The following CIT variants were observed in gnomAD, a reference collection of about 807,000 sequenced individuals.
CIT encodes the protein citron Rho-interacting kinase.
A neutral mutation model predicts 272.7 loss-of-function variants in CIT; 79 were observed. The ratio of observed to expected loss-of-function variants is 0.29; its 90% CI spans 0.24 to 0.35. The LOEUF is 0.35. Ranked by LOEUF, CIT falls within the 10% of genes least tolerant of loss-of-function variation. CIT has a pLI of 1.00. For synonymous variants in CIT, 948 were observed against 995.6 expected (o/e 0.95, Z 0.90); for missense variants, 1,909 against 2,618.3 (o/e 0.73, Z 5.91).
At chr12:119,805,429 T>C (rs902201359) in intron 9 of CIT, among the ~76,000 whole-genome samples, 5 of 152,238 alleles carry the variant, frequency 3.3e-5, no homozygotes, top group African/African-American at 7.2e-5. Flanking sequence ...TCCACAAATA[T>C]GACCTGCTAT....
rs552591136 is a variant in CIT at position 119,703,141 on chromosome 12, G to A, written c.5305-1183C>T. ...GTATGGGAAAACTTTGAGGAAGCAC[G>A]ATATAGTGAAATGCTAGGAAAAAAA... On this transcript the variant is annotated intron_variant, in intron 41 of 47. Transcript: ENST00000392521. 2.1e-4 allele frequency among the ~76,000 whole-genome samples: 32 copies of A among 150,332 alleles called. No individual in the cohort carries two copies. In the South Asian group the frequency reaches 6.7e-3, roughly 32 times the overall value.
chr12:119,718,518 T>C lies in CIT; in HGVS notation c.4004-109A>G. 6.9e-7 allele frequency: 1 copy of C among 1,450,522 alleles called. No homozygotes were observed. The highest frequency in any genetic ancestry group is 2.3e-5 in the East Asian group (1 of 43,712). The allele number at this position is 1,450,522 out of a possible 1,614,324, so 89.9% of individuals were successfully genotyped here. A position where few individuals can be genotyped will look rare whatever the true frequency, so the allele number is the denominator to read the frequency against. ...TCAAGGACCCAAGACCAAAAGAATATGCGTCACATCAACTTGGCAATGCAC... is the reference window on the plus strand; with the variant it reads ...TCAAGGACCCAAGACCAAAAGAATACGCGTCACATCAACTTGGCAATGCAC... On this transcript the variant is annotated intron_variant, in intron 31 of 47. Transcript: ENST00000392521. This position sits in a 1 kb window ranked among gnomAD's most constrained non-coding sequence, Gnocchi z 4.8.
intron 9 of CIT, among the ~76,000 whole-genome samples, chr12:119,806,137 C>CAAAAAAAAAA (rs3858711): frequency 1.6e-5 from 1 of 62,668 alleles, no homozygotes; most frequent in African/African-American, 7.3e-5. Context: ...AACACCATCT[C>CAAAAAAAAAA]AAAAAAAAAA....
intron 30 of CIT, among the ~76,000 whole-genome samples, chr12:119,719,485 C>G (rs1957719725): frequency 1.3e-5 from 2 of 152,194 alleles, no homozygotes; most frequent in South Asian, 4.2e-4. Context: ...GGTAACAGTT[C>G]ACTGCTAAAA....
At chr12:119,732,035 C>T (rs985963643) in intron 26 of CIT, among the ~76,000 whole-genome samples, 2 of 151,832 alleles carry the variant, frequency 1.3e-5, no homozygotes, top group Non-Finnish European at 2.9e-5. Context: ...AGGATTTCGC[C>T]ATGTTGGCCA....
chr12:119,745,789 C>T (rs992664206), intron 23 of CIT, among the ~76,000 whole-genome samples: 2 of 148,676 alleles, frequency 1.3e-5, no homozygotes, highest in African/African-American at 2.5e-5. Context: ...AAAATATGTA[C>T]GACTGTGATA....
At chr12:119,807,565 G>A (rs1236466721) in intron 9 of CIT, among the ~76,000 whole-genome samples, 1 of 152,010 alleles carries the variant, frequency 6.6e-6, no homozygotes, top group African/African-American at 2.4e-5. Context: ...TCAGTACACA[G>A]CACAGTGCCA....
At position 119,710,380 on chromosome 12, in the gene CIT, A is replaced by C. The variant is rs747158748; in HGVS notation, c.4942T>G (p.Leu1648Val). The C allele has an allele frequency of 1.9e-6, 3 of 1,614,164 alleles. No homozygotes were observed. Among genetic ancestry groups the C allele is most frequent in the Non-Finnish European group, 2.5e-6 (3 of 1,180,022 alleles). ...TAGAGCCCTTCCTCGGTGCCCACCA[A>C]CACCACCTGCAAGGGCAGAAGTCCG... is the stretch of plus-strand genomic sequence containing the variant. ...CTLPFSDQVV[L>V]VGTEEGLYAL... is the part of the protein sequence containing the mutation. Residue 1648 changes from leucine (L) to valine (V), a missense_variant, in exon 39 of 48, where the codon TTG becomes GTG. By Grantham distance (32) the Leu-to-Val change is conservative (BLOSUM62 1). Around this residue, in one of 8 missense-constraint regions of CIT, gnomAD observed 780 missense variants for 1,067.2 expected, o/e 0.73. Transcript: ENST00000392521. The surrounding 1 kb of genome is among the most constrained non-coding windows in gnomAD (Gnocchi z 5.6).
chr12:119,782,382 C>T, intron 13 of CIT, 136 bp downstream of exon 13: 2 of 901,500 alleles, frequency 2.2e-6, no homozygotes, highest in Non-Finnish European at 3.4e-6. Context: ...GACCTACATA[C>T]CTGTCTCTCT....
rs147471880 is a variant in CIT at position 119,688,736 on chromosome 12, C to T, written c.6187-481G>A. 1.9e-3 allele frequency among the ~76,000 whole-genome samples: 292 copies of T among 152,342 alleles called. 1 individual carries two copies. Among genetic ancestry groups the T allele is most frequent in the African/African-American group, 6.5e-3 (270 of 41,586 alleles). ...GGTCTTCCACACCCATCCCTCTCCT[C>T]GATCGCAAACCTAAAATTACACAGA... On this transcript the variant is annotated intron_variant, in intron 47 of 47. Transcript: ENST00000392521.
chr12:119,817,799 GC>G (rs1218157571), intron 9 of CIT, among the ~76,000 whole-genome samples: 1 of 151,880 alleles, frequency 6.6e-6, no homozygotes, highest in Admixed American at 6.6e-5. Context: ...TCTAGGCTGG[GC>G]ATGGTGGCTC....
At chr12:119,793,196 C>G (rs1965469392) in intron 10 of CIT, among the ~76,000 whole-genome samples, 1 of 152,076 alleles carries the variant, frequency 6.6e-6, no homozygotes, top group East Asian at 1.9e-4. Context: ...ACACAACCAG[C>G]AGTGGTCTCT....
At chr12:119,850,450 AAAGGG>A (rs1410235356) in intron 4 of CIT, among the ~76,000 whole-genome samples, 175 bp from the exon 5 acceptor site, 1 of 136,136 alleles carries the variant, frequency 7.3e-6, no homozygotes, top group Non-Finnish European at 1.5e-5. Context: ...AAAGGGAAGG[AAAGGG>A]AAGGGAAGGG....
Position 119,734,540 on chromosome 12 carries a change from A to G in CIT, c.3157-183T>C, listed in dbSNP as rs565147527. 3.7e-5 allele frequency: 24 copies of G among 647,044 alleles called. No individual in the cohort carries two copies. In the East Asian group the frequency reaches 5.2e-4, roughly 14 times the overall value. The allele number at this position is 647,044 out of a possible 1,614,324, so 40.1% of individuals were successfully genotyped here. On this transcript the variant is annotated intron_variant, in intron 25 of 47. Transcript: ENST00000392521. ...TGGATGAAGGGCCAGTTCTGCAGCC[A>G]CCTTAGAGGCAGGATCCAAAGCAAA...
intron 32 of CIT, among the ~76,000 whole-genome samples, chr12:119,716,769 A>G (rs1957511280): frequency 1.3e-5 from 2 of 152,212 alleles, no homozygotes; most frequent in Non-Finnish European, 2.9e-5. Context: ...TTCTCCAGGC[A>G]CAACACCCAC....
At chr12:119,719,928 A>G (rs879636453) in intron 30 of CIT, among the ~76,000 whole-genome samples, 1 of 152,208 alleles carries the variant, frequency 6.6e-6, no homozygotes, top group Non-Finnish European at 1.5e-5. Context: ...GTCTCCTGCA[A>G]TCTAAAAGGG....
At chr12:119,841,857 C>T (rs1375721096) in intron 5 of CIT, among the ~76,000 whole-genome samples, 2 of 152,176 alleles carry the variant, frequency 1.3e-5, no homozygotes, top group Admixed American at 6.5e-5. Flanking sequence ...TTAACACATA[C>T]AGCAGAGCTG....
At position 119,850,754 on chromosome 12, in the gene CIT, A is replaced by G. The variant is rs191344103; in HGVS notation, c.415-479T>C. ...TAAGCATCCACGCTAGTTATGAGAAAAGTCATGGTGGCCCAGGACACAGTG... is the reference window on the plus strand; with the variant it reads ...TAAGCATCCACGCTAGTTATGAGAAGAGTCATGGTGGCCCAGGACACAGTG... On this transcript the variant is annotated intron_variant, in intron 4 of 47. Coordinates refer to ENST00000392521, the MANE Select transcript of CIT (RefSeq NM_001206999.2). Among the ~76,000 whole-genome samples the G allele has an allele frequency of 3.3e-3, 502 of 152,270 alleles. 5 individuals carry two copies. Among genetic ancestry groups the G allele is most frequent in the Middle Eastern group, 3.4e-3 (1 of 294 alleles).
chr12:119,789,417 G>A (rs372655271), intron 10 of CIT, among the ~76,000 whole-genome samples: 15 of 152,258 alleles, frequency 9.9e-5, no homozygotes, highest in South Asian at 8.3e-4. Context: ...TCAAAACAAC[G>A]TACAGGTATT....
Sources: allele counts gnomAD v4.1 joint callset (sites outside exome capture counted in the v4.1 genomes callset), GRCh38; gene constraint gnomAD v4.1.1; regional missense constraint gnomAD v4.1.1; non-coding constraint Gnocchi (gnomAD v3.1); transcripts MANE v1.5; gene names NCBI Gene and HGNC (gene_info 2026-07-23, HGNC 2026-07-21).